NBDY: variants seen among roughly 807,000 people sequenced by gnomAD.
NBDY encodes P-body dissociating protein.
intron 2 of NBDY, among the ~76,000 whole-genome samples, chrX:56,751,812 C>T (rs927152692): frequency 2.7e-5 from 3 of 112,225 alleles, no homozygotes; most frequent in Non-Finnish European, 5.6e-5. Context: ...GTAGGGGCTA[C>T]ATACGCAGGT....
chrX:56,816,546 A>G (rs1030144406), intron 2 of NBDY, among the ~76,000 whole-genome samples: 18 of 111,412 alleles, frequency 1.6e-4, no homozygotes, highest in African/African-American at 5.8e-4. Flanking sequence ...TTATACTGTA[A>G]CACGATGCAA....
At chrX:56,802,294 C>A (rs1432639050) in intron 2 of NBDY, among the ~76,000 whole-genome samples, 1 of 112,024 alleles carries the variant, frequency 8.9e-6, no homozygotes, top group Admixed American at 9.4e-5. Context: ...CCTGGGTCAA[C>A]CTGCTTAAAA....
intron 2 of NBDY, among the ~76,000 whole-genome samples, chrX:56,751,323 C>T (rs900328719): frequency 9.0e-6 from 1 of 111,541 alleles, no homozygotes; most frequent in African/African-American, 3.3e-5. Context: ...CTGTCTTCAG[C>T]CTCTAAAAAT....
intron 1 of NBDY, among the ~76,000 whole-genome samples, chrX:56,731,156 G>A (rs1178084046): frequency 9.0e-6 from 1 of 111,081 alleles, no homozygotes; most frequent in African/African-American, 3.3e-5. Flanking sequence ...TTACTTGAAA[G>A]CATCTCCCTG....
intron 2 of NBDY, among the ~76,000 whole-genome samples, chrX:56,812,829 A>G (rs2069893870): frequency 1.8e-5 from 2 of 108,430 alleles, no homozygotes; most frequent in Non-Finnish European, 1.9e-5. Context: ...TTTTCCTTTC[A>G]CTTTCAGCTC....
At chrX:56,804,321 CGACAGATTG>C (rs1602668495) in intron 2 of NBDY, among the ~76,000 whole-genome samples, 2 of 111,953 alleles carry the variant, frequency 1.8e-5, no homozygotes, top group African/African-American at 6.5e-5. Context: ...GGATGAGACT[CGACAGATTG>C]GACACCTGTC....
Position 56,809,712 on chromosome X carries a change from T to C in NBDY, c.*167-7608T>C, listed in dbSNP as rs189713892. Reference sequence around the variant, plus strand: ...ATGGGTCCTAACTCTTTATCCAATTTGCCAGTCTGTGCTTTTAATTGGGGC... The same window carrying C: ...ATGGGTCCTAACTCTTTATCCAATTCGCCAGTCTGTGCTTTTAATTGGGGC... On this transcript the variant is annotated intron_variant, in intron 2 of 2. Coordinates refer to ENST00000374922, the MANE Select transcript of NBDY (RefSeq NM_001348129.2). Among the ~76,000 whole-genome samples, 543 of 112,333 alleles carry C rather than the reference T, an allele frequency of 4.8e-3. 2 individuals are homozygous for C. The highest frequency in any genetic ancestry group is 8.2e-3 in the Non-Finnish European group (437 of 53,267).
chrX:56,814,493 ATT>A (rs374647825), intron 2 of NBDY, among the ~76,000 whole-genome samples: 1 of 97,276 alleles, frequency 1.0e-5, no homozygotes, highest in African/African-American at 3.7e-5. Flanking sequence ...TATGAACCAC[ATT>A]TTTTTTTTTT....
At chrX:56,758,714 C>A (rs2069623525) in intron 2 of NBDY, among the ~76,000 whole-genome samples, 1 of 111,672 alleles carries the variant, frequency 9.0e-6, no homozygotes, top group Admixed American at 9.4e-5. Context: ...CCTCTGTGTT[C>A]CTGTGGTGGG....
At chrX:56,783,846 GA>G (rs767309445) in intron 2 of NBDY, among the ~76,000 whole-genome samples, 1 of 112,721 alleles carries the variant, frequency 8.9e-6, no homozygotes, top group South Asian at 3.6e-4. Context: ...CACACAAAGC[GA>G]AGAAACAAAG....
chrX:56,781,200 A>T lies in NBDY; in HGVS notation c.*167-36120A>T, dbSNP rs1392927978. On this transcript the variant is annotated intron_variant, in intron 2 of 2. Transcript: ENST00000374922. Reference sequence around the variant, plus strand: ...TTGCATAGGTCCTCAGGCACATACAAGTATCTTCTCCAGTAATGACAAGCT... The same window carrying T: ...TTGCATAGGTCCTCAGGCACATACATGTATCTTCTCCAGTAATGACAAGCT... 2.7e-5 allele frequency among the ~76,000 whole-genome samples: 3 copies of T among 111,673 alleles called. No homozygotes were observed. The Admixed American group carries it at 2.8e-4, about 11-fold the overall frequency.
chrX:56,817,127 AG>A, intron 2 of NBDY, among the ~76,000 whole-genome samples, 192 bp from the exon 3 acceptor site: 1 of 111,979 alleles, frequency 8.9e-6, no homozygotes, highest in South Asian at 3.8e-4. Flanking sequence ...GATACCAAAA[AG>A]ATGCAGGTTA....
intron 2 of NBDY, among the ~76,000 whole-genome samples, chrX:56,805,282 G>C (rs1226404904): frequency 8.9e-6 from 1 of 112,534 alleles, no homozygotes; most frequent in Non-Finnish European, 1.9e-5. Flanking sequence ...AGAGTTCTTC[G>C]GGGTGGCATT....
chrX:56,795,555 G>C (rs777036968), intron 2 of NBDY, among the ~76,000 whole-genome samples: 1 of 112,107 alleles, frequency 8.9e-6, no homozygotes, highest in African/African-American at 3.2e-5. Context: ...TGATGTGTAG[G>C]CTGCACTGGG....
intron 2 of NBDY, among the ~76,000 whole-genome samples, chrX:56,733,972 A>G (rs765135811): frequency 1.8e-5 from 2 of 112,545 alleles, no homozygotes; most frequent in South Asian, 7.3e-4. Flanking sequence ...CCTAGTTTTT[A>G]TTCTTACTGC....
intron 2 of NBDY, among the ~76,000 whole-genome samples, chrX:56,816,452 A>G (rs903111557): frequency 9.0e-6 from 1 of 111,490 alleles, no homozygotes; most frequent in South Asian, 3.7e-4. Context: ...CTACATATCA[A>G]TAAATTGGCT....
chrX:56,806,278 A>G (rs1041243020), intron 2 of NBDY, among the ~76,000 whole-genome samples: 5 of 112,080 alleles, frequency 4.5e-5, no homozygotes, highest in South Asian at 3.7e-4. Context: ...CGCAGTAAAC[A>G]TATGTGTGCA....
At chrX:56,745,741 T>TC (rs1453384246) in intron 2 of NBDY, among the ~76,000 whole-genome samples, 42 of 111,084 alleles carry the variant, frequency 3.8e-4, no homozygotes, top group African/African-American at 1.3e-3. Flanking sequence ...CCTTTTTTTT[T>TC]CTTGTCCTTT....
intron 1 of NBDY, among the ~76,000 whole-genome samples, chrX:56,731,431 C>G (rs776962000): frequency 3.8e-5 from 4 of 105,098 alleles, no homozygotes; most frequent in South Asian, 8.8e-4. Flanking sequence ...AATAGCCGGT[C>G]ATGGTGTTGT....
Sources: allele counts gnomAD v4.1 joint callset (sites outside exome capture counted in the v4.1 genomes callset), GRCh38; gene constraint gnomAD v4.1.1; transcripts MANE v1.5; gene names NCBI Gene and HGNC (gene_info 2026-07-23, HGNC 2026-07-21).